C11orf65: variants seen among roughly 807,000 people sequenced by gnomAD.
C11orf65 encodes protein MFI.
Under a neutral mutation model 35.3 loss-of-function variants are expected in C11orf65, and 38 were observed. That is an observed-to-expected ratio of 1.08 (90% CI 0.83 to 1.41). C11orf65 has a LOEUF of 1.41. Ranked by LOEUF, C11orf65 falls within the 40% of genes most tolerant of loss-of-function variation. The pLI, the probability that C11orf65 is intolerant of heterozygous loss-of-function variation, is 0.00. For synonymous variants in C11orf65, 105 were observed against 114.4 expected (o/e 0.92, Z 0.53); for missense variants, 370 against 367.1 (o/e 1.01, Z -0.06).
chr11:108,394,856 T>A lies in C11orf65; in HGVS notation c.561-1478A>T, dbSNP rs533276103. Among the ~76,000 whole-genome samples, 9 of 152,260 alleles carry A rather than the reference T, an allele frequency of 5.9e-5. No individual in the cohort carries two copies. In the South Asian group the frequency reaches 1.7e-3, roughly 28 times the overall value. ...CCTTAAAATGGTAATCAGGGCCAGG[T>A]GTGGTAGCTCATGCCTATAATCCCA... On this transcript the variant is annotated intron_variant, in intron 6 of 8. Transcript: ENST00000393084.
At chr11:108,379,308 TG>T (rs1462070358), downstream of C11orf65, among the ~76,000 whole-genome samples, 2 of 152,162 alleles carry the variant, frequency 1.3e-5, no homozygotes, top group Non-Finnish European at 2.9e-5. Context: ...TAAAAAATGA[TG>T]GGTTCATGTC....
Position 108,325,308 on chromosome 11 carries a change from A to G in C11orf65, c.641-16237T>C, listed in dbSNP as rs751168951. ...ACATGAACTCTATGTCGTGGCATTC[A>G]GATCAGTCACACATAGACAACTCTC... is the stretch of plus-strand genomic sequence containing the variant. On this transcript the variant is annotated intron_variant, in intron 6 of 6. Transcript: ENST00000525729. The G allele has an allele frequency of 1.3e-6, 2 of 1,522,020 alleles. No homozygotes were observed. The highest frequency in any genetic ancestry group is 3.4e-5 in the Admixed American group (2 of 58,660). The allele number at this position is 1,522,020 out of a possible 1,614,324, so 94.3% of individuals were successfully genotyped here. A position where few individuals can be genotyped will look rare whatever the true frequency, so the allele number is the denominator to read the frequency against.
chr11:108,347,595 G>C (rs1314081152), intron 2 of C11orf65, among the ~76,000 whole-genome samples: 1 of 152,078 alleles, frequency 6.6e-6, no homozygotes, highest in Non-Finnish European at 1.5e-5. Context: ...TGGTCTTCAA[G>C]AAAGAAAGAA....
At chr11:108,417,041 A>G (rs538699858) in intron 3 of C11orf65, among the ~76,000 whole-genome samples, 2 of 152,326 alleles carry the variant, frequency 1.3e-5, no homozygotes, top group African/African-American at 4.8e-5. Flanking sequence ...AAGAATGATA[A>G]TATATAGAGA....
chr11:108,344,812 T>C (rs1477934039), intron 2 of C11orf65, among the ~76,000 whole-genome samples: 1 of 151,828 alleles, frequency 6.6e-6, no homozygotes, highest in African/African-American at 2.4e-5. Flanking sequence ...AAGACCAGCC[T>C]GGGAAACATA....
At chr11:108,326,349 A>G in intron 6 of C11orf65, 1 of 1,278,966 alleles carries the variant, frequency 7.8e-7, no homozygotes, top group Admixed American at 2.5e-5. Context: ...TTAACAAGAT[A>G]TTGTAAAACT....
Position 108,343,334 on chromosome 11 carries a change from A to G in C11orf65, c.227-8042T>C, listed in dbSNP as rs1460889548. On this transcript the variant is annotated intron_variant, in intron 2 of 3. Coordinates refer to the C11orf65 transcript ENST00000524755. Reference sequence around the variant, plus strand: ...GGTGCTCATAAAAGATACAGGCCAAATGATTTCAGTGCCTTTCAGTGCCAA... The same window carrying G: ...GGTGCTCATAAAAGATACAGGCCAAGTGATTTCAGTGCCTTTCAGTGCCAA... 1.9e-6 allele frequency: 3 copies of G among 1,614,032 alleles called. No individual in the cohort carries two copies. Among genetic ancestry groups the G allele is most frequent in the Non-Finnish European group, 2.5e-6 (3 of 1,179,906 alleles).
Position 108,334,971 on chromosome 11 carries a change from G to A in C11orf65, c.299+249C>T. The A allele has an allele frequency of 6.2e-7, 1 of 1,612,376 alleles. No individual in the cohort carries two copies. Among genetic ancestry groups the A allele is most frequent in the Non-Finnish European group, 8.5e-7 (1 of 1,178,572 alleles). On this transcript the variant is annotated intron_variant, in intron 3 of 3. Transcript: ENST00000524755. The stretch of plus-strand genomic sequence containing the variant: ...AATCATGTTTATACTTTTATTAGGT[G>A]GACCACACAGGAGAATATGGAAATC...
chr11:108,439,208 G>C (rs1591556875), intron 2 of C11orf65, among the ~76,000 whole-genome samples: 1 of 152,140 alleles, frequency 6.6e-6, no homozygotes, highest in South Asian at 2.1e-4. Flanking sequence ...AGACTTACAA[G>C]TGGTCAATAA....
At chr11:108,465,320 T>G (rs553384255) in intron 1 of C11orf65, among the ~76,000 whole-genome samples, 1 of 152,210 alleles carries the variant, frequency 6.6e-6, no homozygotes, top group African/African-American at 2.4e-5. Context: ...AAAAAGTATG[T>G]CATAAATGCC....
chr11:108,315,555 G>A (rs941418215), intron 6 of C11orf65, among the ~76,000 whole-genome samples: 2 of 151,760 alleles, frequency 1.3e-5, no homozygotes, highest in Non-Finnish European at 2.9e-5. Flanking sequence ...TGTGGTTTGT[G>A]AATTTTTTCA....
rs780572651 is a variant in C11orf65, at chr11:108,365,177, T to G, written c.226+28031A>C. 6.2e-7 allele frequency: 1 copy of G among 1,614,230 alleles called. No individual in the cohort carries two copies. The highest frequency in any genetic ancestry group is 2.2e-5 in the East Asian group (1 of 44,890). ...CGGAAGATGAAACTGAGCTTCACCC[T>G]ACTCTGAATGCAGATGACCAAGAAT... On this transcript the variant is annotated intron_variant, in intron 2 of 3. Transcript: ENST00000524755.
At chr11:108,333,477 AT>A (rs2136596878) in intron 3 of C11orf65, among the ~76,000 whole-genome samples, 1 of 152,322 alleles carries the variant, frequency 6.6e-6, no homozygotes. Flanking sequence ...TTAAATTCTT[AT>A]TACTTGAAAA....
rs527690704 is a variant in C11orf65 at position 108,387,311 on chromosome 11, C to T, written c.732-1336G>A. On this transcript the variant is annotated intron_variant, in intron 7 of 8. Coordinates refer to ENST00000393084, the MANE Select transcript of C11orf65 (RefSeq NM_152587.5). ...CTGGGATTACAGGTGCCTGCCACCA[C>T]GCCCGGCTAATTTTTGTACTTTTAG... Among the ~76,000 whole-genome samples, 43 of 151,656 alleles carry T rather than the reference C, an allele frequency of 2.8e-4. 1 individual carries two copies. The highest frequency in any genetic ancestry group is 1.7e-3 in the South Asian group (8 of 4,804).
rs1349996464 is a variant in C11orf65, at chr11:108,354,791, TATA to T, written c.227-19502_227-19500del. ...ATTGGTGTGTAACAAAATCCGTATT[TATA>T]ATGTGTTTGACTCTAGATGCTGTGA... is the stretch of plus-strand genomic sequence containing the variant. On this transcript the variant is annotated intron_variant, in intron 2 of 3. Coordinates refer to the C11orf65 transcript ENST00000524755. 6.2e-7 allele frequency: 1 copy of T among 1,607,290 alleles called. No individual in the cohort carries two copies. Among genetic ancestry groups the T allele is most frequent in the Middle Eastern group, 1.7e-4 (1 of 6,044 alleles).
intron 2 of C11orf65, among the ~76,000 whole-genome samples, chr11:108,359,858 C>T (rs374872950): frequency 7.2e-5 from 11 of 152,074 alleles, no homozygotes; most frequent in East Asian, 3.9e-4. Flanking sequence ...AGATCCAAAA[C>T]TGACACCCTA....
In C11orf65 at chr11:108,358,059, A is replaced by C. The variant is rs539764474; in HGVS notation, c.227-22767T>G. ...TTGACAACTTTGAAAAAAATTTAGAAGAATGTATAACTAGAATAACCAATA... is the reference window on the plus strand; with the variant it reads ...TTGACAACTTTGAAAAAAATTTAGACGAATGTATAACTAGAATAACCAATA... On this transcript the variant is annotated intron_variant, in intron 2 of 3. Transcript: ENST00000524755. 3.7e-4 allele frequency among the ~76,000 whole-genome samples: 55 copies of C among 147,604 alleles called. No individual in the cohort carries two copies. The East Asian group carries it at 1.0e-2, about 27-fold the overall frequency.
At chr11:108,409,341 C>A (rs2092614669) in intron 3 of C11orf65, among the ~76,000 whole-genome samples, 1 of 152,076 alleles carries the variant, frequency 6.6e-6, no homozygotes, top group South Asian at 2.1e-4. Flanking sequence ...TTATAACAAT[C>A]ATTTCTCTTT....
At chr11:108,357,499 G>A (rs987140078) in intron 2 of C11orf65, among the ~76,000 whole-genome samples, 22 of 152,230 alleles carry the variant, frequency 1.4e-4, no homozygotes, top group Non-Finnish European at 2.8e-4. Context: ...GCAGGGCACA[G>A]ACAAACAAAA....
Sources: gnomAD v4.1 joint callset for allele counts (sites outside exome capture counted in the v4.1 genomes callset) on GRCh38, gnomAD v4.1.1 for gene constraint, MANE v1.5 for transcripts, NCBI Gene and HGNC (gene_info 2026-07-23, HGNC 2026-07-21) for gene names.